The following MAPKAP1 variants were observed in gnomAD, a reference collection of about 807,000 sequenced individuals.
MAPKAP1 encodes MAPK associated protein 1, also known as target of rapamycin complex 2 subunit MAPKAP1.
MAPKAP1 carries 20 observed loss-of-function variants against 65.7 expected under a neutral mutation model. The ratio of observed to expected loss-of-function variants is 0.30; its 90% CI spans 0.21 to 0.44. MAPKAP1 has a LOEUF of 0.44. Ranked by LOEUF, MAPKAP1 falls within the 20% of genes least tolerant of loss-of-function variation. The pLI is 1.00. For synonymous variants in MAPKAP1, 222 were observed against 244.3 expected (o/e 0.91, Z 0.85); for missense variants, 423 against 648.0 (o/e 0.65, Z 3.77).
chr9:125,608,590 C>T (rs892660892), intron 4 of MAPKAP1, among the ~76,000 whole-genome samples: 8 of 152,278 alleles, frequency 5.3e-5, no homozygotes, highest in Admixed American at 1.3e-4. Flanking sequence ...TCAGCATTTC[C>T]GCCTTCAGAC....
At chr9:125,637,858 T>C (rs1833469968) in intron 4 of MAPKAP1, among the ~76,000 whole-genome samples, 1 of 152,198 alleles carries the variant, frequency 6.6e-6, no homozygotes, top group Non-Finnish European at 1.5e-5. Context: ...CTGCAGCCTA[T>C]GCCTCCCAGG....
chr9:125,544,508 A>G (rs1415716703), intron 6 of MAPKAP1, among the ~76,000 whole-genome samples: 1 of 152,218 alleles, frequency 6.6e-6, no homozygotes. Context: ...CAAGTACTCT[A>G]AAAACAGAAG....
At chr9:125,564,868 C>A (rs1164085855) in intron 5 of MAPKAP1, among the ~76,000 whole-genome samples, 1 of 152,016 alleles carries the variant, frequency 6.6e-6, no homozygotes, top group East Asian at 1.9e-4. Flanking sequence ...TTCTGAGTCA[C>A]CACCAGAGAA....
Position 125,447,251 on chromosome 9 carries a change from AG to A in MAPKAP1, c.1346-2654del, listed in dbSNP as rs1852752321. 5 of 381,668 alleles carry A rather than the reference AG, an allele frequency of 1.3e-5. No individual in the cohort carries two copies. The highest frequency in any genetic ancestry group is 2.2e-5 in the Non-Finnish European group (4 of 185,878). 23.6% of individuals were successfully genotyped at this position (381,668 alleles called of 1,614,324 possible). Reference sequence around the variant, plus strand: ...AGGAAGAGTGAAGCAGGTGAGGAGGAGGAAGAGTCCCAACATTCCCCCACTC... The same window carrying A: ...AGGAAGAGTGAAGCAGGTGAGGAGGAGAAGAGTCCCAACATTCCCCCACTC... On this transcript the variant is annotated intron_variant, in intron 10 of 11. Coordinates refer to ENST00000265960, the MANE Select transcript of MAPKAP1 (RefSeq NM_001006617.3). The surrounding 1 kb of genome is among the most constrained non-coding windows in gnomAD (Gnocchi z 4.5).
At chr9:125,679,851 T>C (rs1237335668) in intron 1 of MAPKAP1, among the ~76,000 whole-genome samples, 1 of 152,216 alleles carries the variant, frequency 6.6e-6, no homozygotes, top group Non-Finnish European at 1.5e-5. Context: ...ATCTCTCACC[T>C]GCAATCTGTG....
intron 9 of MAPKAP1, among the ~76,000 whole-genome samples, chr9:125,476,987 T>C (rs1417549940): frequency 1.3e-5 from 2 of 152,236 alleles, no homozygotes; most frequent in South Asian, 2.1e-4. Flanking sequence ...CGAAACCTTT[T>C]TGCCTTCTCT....
intron 4 of MAPKAP1, among the ~76,000 whole-genome samples, chr9:125,637,995 C>T (rs1026643925): frequency 1.3e-5 from 2 of 152,204 alleles, no homozygotes; most frequent in Non-Finnish European, 1.5e-5. Flanking sequence ...TGGTCTCGAT[C>T]TCCTGACCTC....
At position 125,438,746 on chromosome 9, in the gene MAPKAP1, C is replaced by T; in HGVS notation, c.*141G>A. On this transcript the variant is annotated 3_prime_UTR_variant, in exon 12 of 12. Transcript: ENST00000265960. ...TCCTAGGGGGCCCCCGACACCTTCC[C>T]CGAGAGCCCACCTGCCCTGTGCCAG... The T allele has an allele frequency of 8.4e-7, 1 of 1,186,262 alleles. No homozygotes were observed. The highest frequency in any genetic ancestry group is 1.2e-6 in the Non-Finnish European group (1 of 843,452). The allele number at this position is 1,186,262 out of a possible 1,614,324, so 73.5% of individuals were successfully genotyped here. A position where few individuals can be genotyped will look rare whatever the true frequency, so the allele number is the denominator to read the frequency against.
chr9:125,671,358 T>C (rs959328502), intron 2 of MAPKAP1, among the ~76,000 whole-genome samples: 6 of 152,248 alleles, frequency 3.9e-5, no homozygotes, highest in African/African-American at 1.4e-4. Context: ...CAGTAAATTG[T>C]ATCCAGCTCT....
chr9:125,637,639 G>C (rs921325981), intron 4 of MAPKAP1, among the ~76,000 whole-genome samples: 1 of 152,084 alleles, frequency 6.6e-6, no homozygotes, highest in South Asian at 2.1e-4. Flanking sequence ...TCCTCTGTGG[G>C]GTTTTCTCCT....
rs1421129350 is a variant in MAPKAP1, at chr9:125,439,087, A to T, written c.1444-75T>A. ...CACCCAGGGCATCGGAGGGGGTGGC[A>T]GGGAAGGCCCTGACCTGGGCCGGGT... On this transcript the variant is annotated intron_variant, in intron 11 of 11. Coordinates refer to ENST00000265960, the MANE Select transcript of MAPKAP1 (RefSeq NM_001006617.3). This position sits in a 1 kb window ranked among gnomAD's most constrained non-coding sequence, Gnocchi z 4.0. 2 of 1,572,920 alleles carry T rather than the reference A, an allele frequency of 1.3e-6. No homozygotes were observed. The highest frequency in any genetic ancestry group is 1.7e-6 in the Non-Finnish European group (2 of 1,156,652).
At chr9:125,559,861 G>C (rs373533992) in intron 5 of MAPKAP1, 52 bp from the exon 6 acceptor site, 17 of 1,554,948 alleles carry the variant, frequency 1.1e-5, no homozygotes, top group Non-Finnish European at 1.5e-5. Flanking sequence ...GAAGGGACAA[G>C]AAGACCAGAG....
intron 5 of MAPKAP1, among the ~76,000 whole-genome samples, chr9:125,571,627 C>A (rs547638714): frequency 2.0e-5 from 3 of 152,014 alleles, no homozygotes; most frequent in Non-Finnish European, 1.5e-5. Context: ...GAGGCCGAGG[C>A]AGGTGGATCA....
intron 8 of MAPKAP1, among the ~76,000 whole-genome samples, chr9:125,500,487 C>T (rs1390056712): frequency 3.9e-5 from 6 of 152,150 alleles, no homozygotes; most frequent in Non-Finnish European, 2.9e-5. Context: ...GCCATCACGC[C>T]GGCCCCCATT....
chr9:125,525,269 C>T lies in MAPKAP1; in HGVS notation c.958+17790G>A, dbSNP rs1379905431. 2.0e-5 allele frequency among the ~76,000 whole-genome samples: 3 copies of T among 152,038 alleles called. No individual in the cohort carries two copies. In the South Asian group the frequency reaches 6.2e-4, roughly 31 times the overall value. On this transcript the variant is annotated intron_variant, in intron 7 of 11. Transcript: ENST00000265960. The stretch of plus-strand genomic sequence containing the variant: ...TGGGTCCTTGGTGCTTTGCAAGGAT[C>T]GCTGCTTAATTCTCACAATAATGCT...
At chr9:125,625,578 T>C (rs2131672459) in intron 4 of MAPKAP1, among the ~76,000 whole-genome samples, 1 of 152,246 alleles carries the variant, frequency 6.6e-6, no homozygotes, top group Non-Finnish European at 1.5e-5. Flanking sequence ...GCGGATCACT[T>C]GAGGTCAGGA....
At chr9:125,624,551 G>A (rs1443002826) in intron 4 of MAPKAP1, among the ~76,000 whole-genome samples, 2 of 68,764 alleles carry the variant, frequency 2.9e-5, no homozygotes, top group African/African-American at 4.6e-5. Flanking sequence ...CGCCCTGTCC[G>A]GGAGGGAGGT....
chr9:125,498,931 T>C (rs530382129), intron 8 of MAPKAP1, among the ~76,000 whole-genome samples: 9 of 152,354 alleles, frequency 5.9e-5, no homozygotes, highest in South Asian at 2.1e-4. Context: ...GTGCCCCATC[T>C]GCTCTACCAG....
intron 5 of MAPKAP1, among the ~76,000 whole-genome samples, chr9:125,572,350 A>C (rs904149139): frequency 6.6e-6 from 1 of 152,244 alleles, no homozygotes; most frequent in African/African-American, 2.4e-5. Flanking sequence ...TATGGAACAG[A>C]GTTCCATCAA....
Sources: allele counts gnomAD v4.1 joint callset (sites outside exome capture counted in the v4.1 genomes callset), GRCh38; gene constraint gnomAD v4.1.1; non-coding constraint Gnocchi (gnomAD v3.1); transcripts MANE v1.5; gene names NCBI Gene and HGNC (gene_info 2026-07-23, HGNC 2026-07-21).